OR7C1: variants seen among roughly 807,000 people sequenced by gnomAD.
OR7C1 encodes olfactory receptor family 7 subfamily C member 1, also known as olfactory receptor 7C1.
For synonymous variants in OR7C1, 152 were observed against 160.7 expected (o/e 0.95, Z 0.41); for missense variants, 324 against 383.3 (o/e 0.85, Z 1.29).
chr19:14,801,709 C>G (rs1399869059), intron 2 of OR7C1, among the ~76,000 whole-genome samples: 1 of 152,150 alleles, frequency 6.6e-6, no homozygotes, highest in Admixed American at 6.5e-5. Context: ...ATTCACAGTT[C>G]TGTATGACTT....
chr19:14,829,484 T>C (rs952043683), intron 1 of OR7C1, among the ~76,000 whole-genome samples: 1 of 152,216 alleles, frequency 6.6e-6, no homozygotes, highest in Non-Finnish European at 1.5e-5. Context: ...ATTATAGGCA[T>C]GAGCCACTGC....
At chr19:14,810,926 G>A (rs535105516) in intron 1 of OR7C1, among the ~76,000 whole-genome samples, 1 of 151,678 alleles carries the variant, frequency 6.6e-6, no homozygotes, top group African/African-American at 2.4e-5. Flanking sequence ...ATATTTCTAT[G>A]TATGTTATTT....
chr19:14,823,631 C>T (rs115194819), intron 1 of OR7C1, among the ~76,000 whole-genome samples: 2,762 of 152,286 alleles, frequency 0.018, 83 homozygotes, highest in African/African-American at 0.062. Flanking sequence ...TCCCACCCTT[C>T]TGGGTCTCCA....
intron 2 of OR7C1, among the ~76,000 whole-genome samples, chr19:14,804,640 A>G (rs1473477506): frequency 1.3e-5 from 2 of 151,974 alleles, no homozygotes; most frequent in Non-Finnish European, 2.9e-5. Context: ...ATTTACATGA[A>G]ATAGCCACAA....
chr19:14,820,764 G>A lies in OR7C1; in HGVS notation c.-622-10771C>T, dbSNP rs369802367. 1.4e-3 allele frequency among the ~76,000 whole-genome samples: 210 copies of A among 152,294 alleles called. 5 individuals are homozygous for A. The South Asian group carries it at 0.036, about 26-fold the overall frequency. ...ATATGAAGAAAAATGATAGATTGTC[G>A]TGGCAGGGGCAGGATTTTCTAAAGT... On this transcript the variant is annotated intron_variant, in intron 1 of 4. Coordinates refer to ENST00000641666, the Ensembl canonical transcript of OR7C1.
At chr19:14,827,390 C>G in intron 1 of OR7C1, 1 of 1,613,860 alleles carries the variant, frequency 6.2e-7, no homozygotes, top group South Asian at 1.1e-5. Flanking sequence ...AGGGGTTCAG[C>G]ATGGGGGTGA....
intron 1 of OR7C1, chr19:14,827,173 A>C: frequency 8.5e-7 from 1 of 1,177,370 alleles, no homozygotes; most frequent in Non-Finnish European, 1.1e-6. Flanking sequence ...AATCACAACA[A>C]ATTGAAACTC....
intron 1 of OR7C1, among the ~76,000 whole-genome samples, chr19:14,830,352 C>G (rs146156692): frequency 7.2e-5 from 11 of 152,088 alleles, no homozygotes; most frequent in African/African-American, 2.7e-4. Context: ...ATTAAACAGA[C>G]CCCAGTAAGG....
At chr19:14,817,542 C>T (rs2044721621) in intron 1 of OR7C1, among the ~76,000 whole-genome samples, 1 of 152,256 alleles carries the variant, frequency 6.6e-6, no homozygotes, top group Middle Eastern at 3.4e-3. Flanking sequence ...TTCTCTGAGA[C>T]CCCATCCAGG....
At chr19:14,822,054 AGTGGTGTTCTATT>A (rs1331034389) in intron 1 of OR7C1, among the ~76,000 whole-genome samples, 1 of 152,218 alleles carries the variant, frequency 6.6e-6, no homozygotes, top group Non-Finnish European at 1.5e-5. Flanking sequence ...TTAAAGGCTG[AGTGGTGTTCTATT>A]GTGGATATGC....
chr19:14,815,027 A>C (rs547596629), intron 1 of OR7C1, among the ~76,000 whole-genome samples: 7 of 152,294 alleles, frequency 4.6e-5, no homozygotes, highest in Admixed American at 4.6e-4. Flanking sequence ...CTACCTGCCA[A>C]ATGGTTTTTA....
intron 1 of OR7C1, among the ~76,000 whole-genome samples, chr19:14,831,481 G>A (rs2145084680): frequency 6.6e-6 from 1 of 151,962 alleles, no homozygotes; most frequent in East Asian, 1.9e-4. Context: ...GTCTCGCTCT[G>A]TCGCCCAGGT....
At chr19:14,800,926 T>C (rs1459325810) in intron 2 of OR7C1, among the ~76,000 whole-genome samples, 162 bp from the exon 3 acceptor site, 1 of 152,238 alleles carries the variant, frequency 6.6e-6, no homozygotes, top group Non-Finnish European at 1.5e-5. Flanking sequence ...ACCACCAGCC[T>C]GTCCTTTCCT....
intron 2 of OR7C1, among the ~76,000 whole-genome samples, chr19:14,805,641 C>G (rs1439880530): frequency 2.6e-5 from 4 of 151,724 alleles, no homozygotes; most frequent in South Asian, 2.1e-4. Flanking sequence ...TCTCGAACTC[C>G]TGACCTCAAG....
exon 5 of OR7C1, chr19:14,799,105 GAA>G: frequency 6.6e-7 from 1 of 1,508,026 alleles, no homozygotes. Context: ...AACTAAAAGA[GAA>G]TACATTGATG....
intron 1 of OR7C1, chr19:14,827,715 TG>T (rs763043494): frequency 6.2e-7 from 1 of 1,613,870 alleles, no homozygotes; most frequent in South Asian, 1.1e-5. Flanking sequence ...ACAGAAAAAG[TG>T]GGGGATTTCT....
intron 1 of OR7C1, chr19:14,826,448 A>G (rs2044768513): frequency 6.6e-6 from 1 of 152,230 alleles, no homozygotes; most frequent in Admixed American, 6.5e-5. Context: ...GCAAAAACAG[A>G]AGTATGGATG....
intron 1 of OR7C1, among the ~76,000 whole-genome samples, chr19:14,828,658 C>A (rs1426870119): frequency 6.9e-6 from 1 of 145,516 alleles, no homozygotes; most frequent in Non-Finnish European, 1.5e-5. Flanking sequence ...ACTTGGGAGG[C>A]TGAGGCAAGG....
At chr19:14,828,758 CAAAAAAAA>C (rs58983718) in intron 1 of OR7C1, among the ~76,000 whole-genome samples, 29 of 35,152 alleles carry the variant, frequency 8.2e-4, no homozygotes, top group South Asian at 4.3e-3. Context: ...GACTCCATCT[CAAAAAAAA>C]AAAAAAAAAA....
Sources: allele counts gnomAD v4.1 joint callset (sites outside exome capture counted in the v4.1 genomes callset), GRCh38; gene constraint gnomAD v4.1.1; transcripts MANE v1.5; gene names NCBI Gene and HGNC (gene_info 2026-07-23, HGNC 2026-07-21).